The following TMEM232 variants were observed in gnomAD, a reference collection of about 807,000 sequenced individuals.
TMEM232 encodes the protein transmembrane protein 232.
In TMEM232, 80 loss-of-function variants were observed where a neutral mutation model predicts 78.8. That is an observed-to-expected ratio of 1.01 (90% CI 0.85 to 1.22). The LOEUF (loss-of-function observed/expected upper bound fraction) is 1.22. Among genes scored for constraint, TMEM232 ranks in the 50% most tolerant of loss-of-function variants. The pLI, the probability that TMEM232 is intolerant of heterozygous loss-of-function variation, is 0.00. For missense variants in TMEM232, 881 were observed against 742.2 expected, an observed-to-expected ratio of 1.19 and a Z score of -2.17; for synonymous variants, 297 against 254.3, an observed-to-expected ratio of 1.17 and a Z score of -1.60.
chr5:110,439,228 G>GA, intron 12 of TMEM232, among the ~76,000 whole-genome samples: 1 of 152,192 alleles, frequency 6.6e-6, no homozygotes, highest in South Asian at 2.1e-4. Context: ...ATCTAACACT[G>GA]AAACAGTTTC....
intron 12 of TMEM232, among the ~76,000 whole-genome samples, chr5:110,522,126 A>G (rs1325859347): frequency 1.3e-5 from 2 of 152,148 alleles, no homozygotes; most frequent in African/African-American, 4.8e-5. Context: ...TCAATCTAGA[A>G]GTCTTTTACA....
intron 12 of TMEM232, among the ~76,000 whole-genome samples, chr5:110,488,788 C>A (rs1764729322): frequency 6.6e-6 from 1 of 151,850 alleles, no homozygotes; most frequent in African/African-American, 2.4e-5. Flanking sequence ...TTTGAAAGAT[C>A]AGCAAAAATG....
At chr5:110,458,579 G>T (rs1761148382) in intron 12 of TMEM232, among the ~76,000 whole-genome samples, 1 of 152,082 alleles carries the variant, frequency 6.6e-6, no homozygotes, top group South Asian at 2.1e-4. Context: ...ATAATCTAGG[G>T]TGCATTTATT....
At chr5:110,510,231 G>A (rs893503022) in intron 12 of TMEM232, among the ~76,000 whole-genome samples, 1 of 152,098 alleles carries the variant, frequency 6.6e-6, no homozygotes, top group Non-Finnish European at 1.5e-5. Flanking sequence ...TATCTCCACT[G>A]AAAGAACTCA....
At chr5:110,547,745 C>G (rs1773948475) in intron 11 of TMEM232, among the ~76,000 whole-genome samples, 1 of 151,932 alleles carries the variant, frequency 6.6e-6, no homozygotes, top group Non-Finnish European at 1.5e-5. Context: ...CACCTGTAAT[C>G]CTAGAACTTT....
At chr5:110,520,702 C>T (rs1050863612) in intron 12 of TMEM232, among the ~76,000 whole-genome samples, 2 of 152,080 alleles carry the variant, frequency 1.3e-5, no homozygotes, top group African/African-American at 4.8e-5. Flanking sequence ...GGTGGATCAC[C>T]TGAGATCGGT....
intron 12 of TMEM232, among the ~76,000 whole-genome samples, chr5:110,465,128 C>T (rs953890698): frequency 2.0e-5 from 3 of 152,120 alleles, no homozygotes; most frequent in Non-Finnish European, 2.9e-5. Context: ...GCTGTCTTTA[C>T]TTTCTGCATT....
chr5:110,590,178 C>T (rs1779329816), intron 10 of TMEM232, among the ~76,000 whole-genome samples: 1 of 152,060 alleles, frequency 6.6e-6, no homozygotes, highest in Non-Finnish European at 1.5e-5. Flanking sequence ...GCCAGAGACC[C>T]CAACTTGAAT....
rs1232406800 is a variant in TMEM232 at position 110,419,769 on chromosome 5, T to C, written c.*811A>G. Among the ~76,000 whole-genome samples the C allele has an allele frequency of 6.6e-6, 1 of 152,158 alleles. No individual in the cohort carries two copies. Among genetic ancestry groups the C allele is most frequent in the Non-Finnish European group, 1.5e-5 (1 of 67,990 alleles). On this transcript the variant is annotated 3_prime_UTR_variant, in exon 14 of 14. Transcript: ENST00000455884. ...GAAATCGAGGTATGAGTATTATCTA[T>C]ATTTTTCAGTTTTCAGGAAAGGAAT...
At chr5:110,405,731 TAA>T (rs36094551) in intron 2 of TMEM232, among the ~76,000 whole-genome samples, 17 of 135,680 alleles carry the variant, frequency 1.3e-4, no homozygotes, top group Admixed American at 1.5e-4. Flanking sequence ...GGACACAGTT[TAA>T]AAAAAAAAAA....
intron 11 of TMEM232, among the ~76,000 whole-genome samples, chr5:110,540,222 A>G (rs898860213): frequency 6.6e-6 from 1 of 152,176 alleles, no homozygotes; most frequent in Non-Finnish European, 1.5e-5. Flanking sequence ...TCAACTGCCT[A>G]CTTTTCAAAA....
chr5:110,392,668 C>A (rs1254275437), intron 3 of TMEM232, among the ~76,000 whole-genome samples: 1 of 152,162 alleles, frequency 6.6e-6, no homozygotes. Flanking sequence ...TTAATGACAT[C>A]ATGAGGGCCC....
chr5:110,548,321 G>A (rs1774031111), intron 11 of TMEM232, among the ~76,000 whole-genome samples: 1 of 147,324 alleles, frequency 6.8e-6, no homozygotes, highest in South Asian at 2.1e-4. Flanking sequence ...TAAGAAAGTG[G>A]GTATAAATAT....
chr5:110,468,421 A>T (rs1200636251), intron 12 of TMEM232, among the ~76,000 whole-genome samples: 1 of 152,092 alleles, frequency 6.6e-6, no homozygotes, highest in Non-Finnish European at 1.5e-5. Flanking sequence ...ACTACTATAA[A>T]ATGATGAACT....
At chr5:110,623,797 C>A (rs1784079022) in intron 7 of TMEM232, among the ~76,000 whole-genome samples, 1 of 152,112 alleles carries the variant, frequency 6.6e-6, no homozygotes, top group South Asian at 2.1e-4. Flanking sequence ...AGGTCAAACT[C>A]TGTTATAATC....
chr5:110,399,873 C>T (rs935274843), intron 2 of TMEM232, among the ~76,000 whole-genome samples: 2 of 152,124 alleles, frequency 1.3e-5, no homozygotes, highest in Admixed American at 6.5e-5. Context: ...GAATTATTAT[C>T]GTAGTCTCCC....
In TMEM232 at chr5:110,501,531, C is replaced by T. The variant is rs551660516; in HGVS notation, c.1703+27057G>A. On this transcript the variant is annotated intron_variant, in intron 12 of 13. Coordinates refer to ENST00000455884, the MANE Select transcript of TMEM232 (RefSeq NM_001039763.4). ...AACTTTTCAGGAGACAAATTTATTG[C>T]ACTCAAGTGTAGCCTTAAGATGAAT... is the stretch of plus-strand genomic sequence containing the variant. 3.3e-5 allele frequency among the ~76,000 whole-genome samples: 5 copies of T among 152,220 alleles called. No homozygotes were observed. In the East Asian group the frequency reaches 9.7e-4, roughly 29 times the overall value.
chr5:110,460,844 G>A lies in TMEM232; in HGVS notation c.1704-35928C>T, dbSNP rs78653186. Among the ~76,000 whole-genome samples, 415 of 151,996 alleles carry A rather than the reference G, an allele frequency of 2.7e-3. 2 individuals carry two copies. The highest frequency in any genetic ancestry group is 9.8e-3 in the African/African-American group (405 of 41,460). On this transcript the variant is annotated intron_variant, in intron 12 of 13. Transcript: ENST00000455884. ...TCTGATATGGTGAGCTGTGATTAGTGATCTTTGATGTAACTATTGTAATTG... is the reference window on the plus strand; with the variant it reads ...TCTGATATGGTGAGCTGTGATTAGTAATCTTTGATGTAACTATTGTAATTG...
At chr5:110,593,843 A>G (rs960097502) in intron 10 of TMEM232, among the ~76,000 whole-genome samples, 1 of 152,144 alleles carries the variant, frequency 6.6e-6, no homozygotes, top group African/African-American at 2.4e-5. Flanking sequence ...GTAACACAAA[A>G]GTTAAATGCT....
Sources: gnomAD v4.1 joint callset for allele counts (sites outside exome capture counted in the v4.1 genomes callset) on GRCh38, gnomAD v4.1.1 for gene constraint, MANE v1.5 for transcripts, NCBI Gene and HGNC (gene_info 2026-07-23, HGNC 2026-07-21) for gene names.